PARD3B: variants seen among roughly 807,000 people sequenced by gnomAD.
PARD3B encodes par-3 family cell polarity regulator beta.
In PARD3B, 103 loss-of-function variants were observed where a neutral mutation model predicts 130.2. The ratio of observed to expected loss-of-function variants is 0.79; its 90% CI spans 0.67 to 0.93. The LOEUF is 0.93. PARD3B is among the 40% of genes least tolerant of loss of function. PARD3B has a pLI of 0.00. For missense variants in PARD3B, 1,609 were observed against 1,499.2 expected (o/e 1.07, Z -1.21); for synonymous variants, 583 against 553.2 (o/e 1.05, Z -0.76).
At chr2:204,679,764 T>C (rs989887355) in intron 1 of PARD3B, among the ~76,000 whole-genome samples, 10 of 152,062 alleles carry the variant, frequency 6.6e-5, no homozygotes, top group African/African-American at 2.4e-4. Flanking sequence ...TGGTGGTGCC[T>C]ATTCTCAAAT....
chr2:204,846,951 C>T (rs1381176716), intron 2 of PARD3B, among the ~76,000 whole-genome samples: 1 of 151,864 alleles, frequency 6.6e-6, no homozygotes, highest in African/African-American at 2.4e-5. Flanking sequence ...TGGGATTGCT[C>T]TCTTATAAAA....
At chr2:205,399,141 A>G (rs1158026037) in intron 18 of PARD3B, among the ~76,000 whole-genome samples, 3 of 151,604 alleles carry the variant, frequency 2.0e-5, no homozygotes, top group Admixed American at 6.6e-5. Context: ...ATGGTGGTGC[A>G]TGCCTGTAAT....
Position 205,301,757 on chromosome 2 carries a change from T to C in PARD3B, c.2630+56T>C, listed in dbSNP as rs1290413602. On this transcript the variant is annotated intron_variant, in intron 18 of 22. Coordinates refer to ENST00000406610, the MANE Select transcript of PARD3B (RefSeq NM_001302769.2). This position sits in a 1 kb window ranked among gnomAD's most constrained non-coding sequence, Gnocchi z 5.2. ...TCTCATTTTGTCTCTCCTGGTAAAA[T>C]CACTCCTTTGTCTGTACTCAGAAAA... The C allele has an allele frequency of 1.9e-6, 3 of 1,614,008 alleles. No individual in the cohort carries two copies.
chr2:204,968,876 G>A (rs549762004), intron 3 of PARD3B, among the ~76,000 whole-genome samples: 5 of 152,184 alleles, frequency 3.3e-5, no homozygotes, highest in Non-Finnish European at 5.9e-5. Context: ...TTTTTAATTC[G>A]TAAGATGAGT....
chr2:205,533,012 G>GGAAT (rs757608567), intron 21 of PARD3B, among the ~76,000 whole-genome samples: 24 of 152,072 alleles, frequency 1.6e-4, no homozygotes, highest in Non-Finnish European at 3.1e-4. Flanking sequence ...TCCTTTCAGT[G>GGAAT]GAATCAATGG....
chr2:205,318,101 A>T (rs916634712), intron 18 of PARD3B, among the ~76,000 whole-genome samples: 10 of 152,250 alleles, frequency 6.6e-5, no homozygotes, highest in South Asian at 2.1e-4. Context: ...GAACAGTAAA[A>T]ACCCTAATTC....
chr2:205,229,396 C>A lies in PARD3B; in HGVS notation c.2141-16382C>A, dbSNP rs919117355. Among the ~76,000 whole-genome samples the A allele has an allele frequency of 1.3e-5, 2 of 152,230 alleles. No individual in the cohort carries two copies. Among genetic ancestry groups the A allele is most frequent in the Non-Finnish European group, 2.9e-5 (2 of 68,042 alleles). On this transcript the variant is annotated intron_variant, in intron 15 of 22. Coordinates refer to ENST00000406610, the MANE Select transcript of PARD3B (RefSeq NM_001302769.2). This position sits in a 1 kb window ranked among gnomAD's most constrained non-coding sequence, Gnocchi z 5.2. Reference sequence around the variant, plus strand: ...AAGCCCAGTAATGCTGTGACTCTTACAGACTTGTAGAGGTGCCATGTTGGT... The same window carrying A: ...AAGCCCAGTAATGCTGTGACTCTTAAAGACTTGTAGAGGTGCCATGTTGGT...
At position 205,407,436 on chromosome 2, in the gene PARD3B, G is replaced by A. The variant is rs1041931724; in HGVS notation, c.2741+6313G>A. Among the ~76,000 whole-genome samples the A allele has an allele frequency of 3.3e-5, 5 of 152,104 alleles. No homozygotes were observed. Among genetic ancestry groups the A allele is most frequent in the East Asian group, 1.9e-4 (1 of 5,194 alleles). On this transcript the variant is annotated intron_variant, in intron 19 of 22. Coordinates refer to ENST00000406610, the MANE Select transcript of PARD3B (RefSeq NM_001302769.2). The surrounding 1 kb of genome is among the most constrained non-coding windows in gnomAD (Gnocchi z 4.1). Reference sequence around the variant, plus strand: ...ACATTTTTCAAACTAAATTAAATTAGCATTTTTCACACATTCAGATTATGT... The same window carrying A: ...ACATTTTTCAAACTAAATTAAATTAACATTTTTCACACATTCAGATTATGT...
chr2:205,613,363 G>A lies in PARD3B; in HGVS notation c.3261-2093G>A, dbSNP rs549088195. 1.2e-4 allele frequency among the ~76,000 whole-genome samples: 19 copies of A among 152,248 alleles called. No individual in the cohort carries two copies. The East Asian group carries it at 3.5e-3, about 28-fold the overall frequency. On this transcript the variant is annotated intron_variant, in intron 22 of 22. Coordinates refer to ENST00000406610, the MANE Select transcript of PARD3B (RefSeq NM_001302769.2). ...TTAAGAAAAATTTTTTGAGTGTATC[G>A]GATATCTCCAACATGAACCAAAAGG... is the stretch of plus-strand genomic sequence containing the variant.
chr2:205,013,416 A>G (rs1012746712), intron 3 of PARD3B, among the ~76,000 whole-genome samples: 1 of 152,136 alleles, frequency 6.6e-6, no homozygotes, highest in Non-Finnish European at 1.5e-5. Flanking sequence ...GAAGTGGTAT[A>G]ATTTTCAGAA....
rs1371899375 is a variant in PARD3B at position 205,473,541 on chromosome 2, A to G, written c.3045-26355A>G. ...AGTAGGGCACGTTTCACTCATTAAT[A>G]TGGGTGATATCTTACATTGTTGGAA... On this transcript the variant is annotated intron_variant, in intron 20 of 22. Coordinates refer to ENST00000406610, the MANE Select transcript of PARD3B (RefSeq NM_001302769.2). This position sits in a 1 kb window ranked among gnomAD's most constrained non-coding sequence, Gnocchi z 4.9. Among the ~76,000 whole-genome samples the G allele has an allele frequency of 2.0e-5, 3 of 151,654 alleles. No individual in the cohort carries two copies. Among genetic ancestry groups the G allele is most frequent in the Admixed American group, 6.6e-5 (1 of 15,216 alleles).
chr2:205,530,352 T>C lies in PARD3B; in HGVS notation c.3181-22972T>C, dbSNP rs890120669. On this transcript the variant is annotated intron_variant, in intron 21 of 22. Transcript: ENST00000406610. The surrounding 1 kb of genome is among the most constrained non-coding windows in gnomAD (Gnocchi z 4.7). ...GGAGTAGATGCCAACATCATAAGGA[T>C]GTTGATGTAATTTACATGTAATGCC... Among the ~76,000 whole-genome samples, 2 of 152,176 alleles carry C rather than the reference T, an allele frequency of 1.3e-5. No homozygotes were observed. The highest frequency in any genetic ancestry group is 4.8e-5 in the African/African-American group (2 of 41,448).
intron 15 of PARD3B, among the ~76,000 whole-genome samples, chr2:205,216,968 C>T (rs1436651604): frequency 6.6e-6 from 1 of 152,014 alleles, no homozygotes. Flanking sequence ...ATATTTGTCA[C>T]TGTGGAGTGT....
intron 4 of PARD3B, among the ~76,000 whole-genome samples, chr2:205,095,907 G>C (rs1702367788): frequency 6.6e-6 from 1 of 152,038 alleles, no homozygotes; most frequent in African/African-American, 2.4e-5. Flanking sequence ...TATTAGCAAT[G>C]AGAAGAAAAG....
At chr2:205,413,322 A>T (rs192523016) in intron 19 of PARD3B, among the ~76,000 whole-genome samples, 1 of 152,140 alleles carries the variant, frequency 6.6e-6, no homozygotes, top group South Asian at 2.1e-4. Flanking sequence ...GTTTGTATTT[A>T]CAAACATGCC....
intron 18 of PARD3B, among the ~76,000 whole-genome samples, chr2:205,399,742 G>T (rs2046179413): frequency 6.6e-6 from 1 of 152,160 alleles, no homozygotes; most frequent in African/African-American, 2.4e-5. Flanking sequence ...CATCATAACT[G>T]CCACTGTGCC....
At chr2:204,598,231 A>AT (rs1299444786) in intron 1 of PARD3B, among the ~76,000 whole-genome samples, 1 of 152,070 alleles carries the variant, frequency 6.6e-6, no homozygotes, top group East Asian at 1.9e-4. Context: ...TTATTTGTGA[A>AT]TTTAAAAAAA....
intron 18 of PARD3B, among the ~76,000 whole-genome samples, chr2:205,368,689 G>A (rs144684171): frequency 1.6e-3 from 246 of 152,092 alleles, no homozygotes; most frequent in African/African-American, 5.7e-3. Flanking sequence ...TCCCCTATTG[G>A]CAGGTACAAA....
At chr2:205,399,591 G>A (rs1035407170) in intron 18 of PARD3B, among the ~76,000 whole-genome samples, 2 of 152,128 alleles carry the variant, frequency 1.3e-5, no homozygotes, top group Non-Finnish European at 2.9e-5. Context: ...CTGACCTCAG[G>A]TGATCCACCT....
Sources: allele counts gnomAD v4.1 joint callset (sites outside exome capture counted in the v4.1 genomes callset), GRCh38; gene constraint gnomAD v4.1.1; non-coding constraint Gnocchi (gnomAD v3.1); transcripts MANE v1.5; gene names NCBI Gene and HGNC (gene_info 2026-07-23, HGNC 2026-07-21).